Variants in CACNG2 observed in about 807,000 individuals in gnomAD.
The protein encoded by CACNG2 is voltage-dependent calcium channel gamma-2 subunit.
CACNG2 carries 3 observed loss-of-function variants against 25.9 expected under a neutral mutation model. The observed-to-expected ratio is 0.12, with a 90% confidence interval of 0.05 to 0.30. CACNG2 has a LOEUF of 0.30. CACNG2 is among the 10% of genes least tolerant of loss of function. The pLI, the probability that CACNG2 is intolerant of heterozygous loss-of-function variation, is 1.00. For missense variants in CACNG2, 341 were observed against 432.5 expected, an observed-to-expected ratio of 0.79 and a Z score of 1.88; for synonymous variants, 167 against 173.3, an observed-to-expected ratio of 0.96 and a Z score of 0.29.
chr22:36,625,847 G>A (rs1276752584), intron 1 of CACNG2, among the ~76,000 whole-genome samples: 1 of 152,178 alleles, frequency 6.6e-6, no homozygotes, highest in Non-Finnish European at 1.5e-5. Context: ...TGCTGCTTGG[G>A]AATTTAAAGG....
chr22:36,655,811 C>CTT (rs376906326), intron 1 of CACNG2, among the ~76,000 whole-genome samples: 7 of 110,550 alleles, frequency 6.3e-5, no homozygotes, highest in South Asian at 2.7e-4. Context: ...TTCTTTCTTT[C>CTT]TTTTTTTTTT....
At chr22:36,610,924 C>T (rs950967903) in intron 1 of CACNG2, among the ~76,000 whole-genome samples, 5 of 152,230 alleles carry the variant, frequency 3.3e-5, no homozygotes, top group African/African-American at 1.2e-4. Context: ...CCTCCCTACT[C>T]CCCGTGGCTC....
chr22:36,629,404 G>A (rs1936233731), intron 1 of CACNG2, among the ~76,000 whole-genome samples: 1 of 152,144 alleles, frequency 6.6e-6, no homozygotes, highest in Non-Finnish European at 1.5e-5. Context: ...GCTTGGGGGA[G>A]GGACCATAAC....
At chr22:36,694,637 C>T (rs1219120868) in intron 1 of CACNG2, among the ~76,000 whole-genome samples, 1 of 152,060 alleles carries the variant, frequency 6.6e-6, no homozygotes, top group Non-Finnish European at 1.5e-5. Flanking sequence ...ATGGGGCTGT[C>T]TCAAATGTTT....
At chr22:36,648,633 A>T (rs1936564013) in intron 1 of CACNG2, among the ~76,000 whole-genome samples, 1 of 152,114 alleles carries the variant, frequency 6.6e-6, no homozygotes, top group Non-Finnish European at 1.5e-5. Context: ...ACATCCATTC[A>T]TCACTTCCAG....
chr22:36,673,486 C>A (rs1488717078), intron 1 of CACNG2, among the ~76,000 whole-genome samples: 1 of 152,142 alleles, frequency 6.6e-6, no homozygotes, highest in African/African-American at 2.4e-5. Context: ...ACATTGATTT[C>A]TTTTATGAAT....
intron 1 of CACNG2, among the ~76,000 whole-genome samples, chr22:36,646,956 C>G (rs1278561591): frequency 1.3e-5 from 2 of 152,240 alleles, no homozygotes; most frequent in African/African-American, 2.4e-5. Flanking sequence ...CAGGGGCAGG[C>G]ATTGACATTC....
At chr22:36,576,081 T>C (rs1935307371) in intron 2 of CACNG2, among the ~76,000 whole-genome samples, 1 of 152,246 alleles carries the variant, frequency 6.6e-6, no homozygotes, top group Non-Finnish European at 1.5e-5. Context: ...GCCTGTGTGA[T>C]GCATGTTTAT....
At chr22:36,655,205 T>G (rs1285667537) in intron 1 of CACNG2, among the ~76,000 whole-genome samples, 1 of 152,192 alleles carries the variant, frequency 6.6e-6, no homozygotes, top group Non-Finnish European at 1.5e-5. Flanking sequence ...TGTGACTCTT[T>G]GCAGAACTGA....
chr22:36,683,555 C>T (rs1207620431), intron 1 of CACNG2, among the ~76,000 whole-genome samples: 1 of 152,204 alleles, frequency 6.6e-6, no homozygotes, highest in African/African-American at 2.4e-5. Flanking sequence ...ACAGTCATTC[C>T]TGTTATGACA....
intron 1 of CACNG2, among the ~76,000 whole-genome samples, chr22:36,602,733 A>G (rs1417083645): frequency 6.6e-6 from 1 of 152,174 alleles, no homozygotes; most frequent in African/African-American, 2.4e-5. Context: ...GTGATCAGTG[A>G]TCTTGGATGT....
chr22:36,666,729 A>C (rs1936879851), intron 1 of CACNG2, among the ~76,000 whole-genome samples: 1 of 148,370 alleles, frequency 6.7e-6, no homozygotes, highest in African/African-American at 2.5e-5. Flanking sequence ...TAAAACCAAC[A>C]AACCTATGAG....
At chr22:36,665,567 T>G (rs144038177) in intron 1 of CACNG2, among the ~76,000 whole-genome samples, 1 of 152,330 alleles carries the variant, frequency 6.6e-6, no homozygotes, top group African/African-American at 2.4e-5. Flanking sequence ...AACAGACATT[T>G]TTCCAAGGAA....
intron 1 of CACNG2, among the ~76,000 whole-genome samples, chr22:36,589,460 G>A (rs538286403): frequency 2.0e-5 from 3 of 152,288 alleles, no homozygotes; most frequent in Non-Finnish European, 2.9e-5. Flanking sequence ...TACGTACTAC[G>A]TAGGAATATA....
At chr22:36,612,794 A>G (rs979640168) in intron 1 of CACNG2, among the ~76,000 whole-genome samples, 23 of 152,222 alleles carry the variant, frequency 1.5e-4, no homozygotes, top group Admixed American at 1.1e-3. Flanking sequence ...GTTTTAGCTC[A>G]ATGAATGAAT....
chr22:36,621,119 T>C (rs1221640795), intron 1 of CACNG2, among the ~76,000 whole-genome samples: 1 of 152,246 alleles, frequency 6.6e-6, no homozygotes, highest in African/African-American at 2.4e-5. Context: ...AATGGATCTC[T>C]TATAGGTATT....
At chr22:36,608,243 T>C (rs1452215259) in intron 1 of CACNG2, among the ~76,000 whole-genome samples, 2 of 152,170 alleles carry the variant, frequency 1.3e-5, no homozygotes, top group Non-Finnish European at 2.9e-5. Context: ...GCAGGGATTC[T>C]AAGAAGCCTT....
At chr22:36,605,650 G>T (rs1457269023) in intron 1 of CACNG2, among the ~76,000 whole-genome samples, 2 of 152,220 alleles carry the variant, frequency 1.3e-5, no homozygotes, top group Non-Finnish European at 2.9e-5. Flanking sequence ...TGTGAGAATT[G>T]CATAAAACAC....
At chr22:36,670,046 G>A (rs1211574105) in intron 1 of CACNG2, among the ~76,000 whole-genome samples, 3 of 152,130 alleles carry the variant, frequency 2.0e-5, no homozygotes, top group African/African-American at 7.2e-5. Flanking sequence ...TGATTTGAAT[G>A]CCAGGATCCA....
Sources: gnomAD v4.1 joint callset for allele counts (sites outside exome capture counted in the v4.1 genomes callset) on GRCh38, gnomAD v4.1.1 for gene constraint, MANE v1.5 for transcripts, NCBI Gene and HGNC (gene_info 2026-07-23, HGNC 2026-07-21) for gene names.